Variants in GLIS3 observed in about 807,000 individuals in gnomAD.
GLIS3 encodes the protein GLIS family zinc finger 3.
Under a neutral mutation model 78.6 loss-of-function variants are expected in GLIS3, and 53 were observed. That is an observed-to-expected ratio of 0.67 (90% CI 0.54 to 0.85). The LOEUF (loss-of-function observed/expected upper bound fraction) is 0.85. GLIS3 is among the 40% of genes least tolerant of loss of function. The pLI is 0.00. For synonymous variants in GLIS3, 684 were observed against 509.9 expected (o/e 1.34, Z -4.60); for missense variants, 1,703 against 1,231.1 (o/e 1.38, Z -5.74).
intron 2 of GLIS3, among the ~76,000 whole-genome samples, chr9:4,232,382 TAAA>T (rs56725850): frequency 1.5e-4 from 15 of 101,648 alleles, no homozygotes; most frequent in Non-Finnish European, 2.4e-4. Context: ...CCTTGTCTCT[TAAA>T]AAAAAAAAAA....
chr9:4,156,794 A>C (rs950795047), intron 2 of GLIS3, among the ~76,000 whole-genome samples: 1 of 152,108 alleles, frequency 6.6e-6, no homozygotes, highest in Non-Finnish European at 1.5e-5. Flanking sequence ...ACCCTTAAGG[A>C]ACAAAAGGGT....
chr9:4,298,659 C>G (rs1587361056), intron 1 of GLIS3, among the ~76,000 whole-genome samples: 1 of 152,172 alleles, frequency 6.6e-6, no homozygotes, highest in African/African-American at 2.4e-5. Flanking sequence ...CCAAACAGTG[C>G]TGACATTTTG....
intron 4 of GLIS3, chr9:4,054,256 G>A (rs569777786): frequency 9.8e-6 from 8 of 812,986 alleles, no homozygotes; most frequent in East Asian, 1.2e-4. Flanking sequence ...CATCCTTCAC[G>A]GTCACTGCTC....
intron 2 of GLIS3, among the ~76,000 whole-genome samples, chr9:4,268,448 T>C (rs1448384870): frequency 6.6e-6 from 1 of 152,234 alleles, no homozygotes; most frequent in African/African-American, 2.4e-5. Flanking sequence ...CTTTGCATTA[T>C]TACTCTGGGA....
chr9:4,434,011 G>C, the GLIS3 span, among the ~76,000 whole-genome samples: 11 of 151,344 alleles, frequency 7.3e-5, no homozygotes, highest in Non-Finnish European at 1.3e-4. Context: ...CAGGAGAATG[G>C]AGTGAACCCA....
intron 3 of GLIS3, among the ~76,000 whole-genome samples, chr9:4,120,012 G>A (rs1203528419): frequency 1.3e-5 from 2 of 152,130 alleles, no homozygotes; most frequent in East Asian, 3.8e-4. Flanking sequence ...GAAGAACCTG[G>A]CTTATTATAT....
chr9:4,076,442 A>C (rs7019763), intron 4 of GLIS3, among the ~76,000 whole-genome samples: 7,801 of 152,228 alleles, frequency 0.051, 532 homozygotes, highest in East Asian at 0.23. Flanking sequence ...TCCCATACCT[A>C]AAGTTTTGTT....
Position 4,348,025 on chromosome 9 carries a change from G to A in GLIS3, n.161+207C>T, listed in dbSNP as rs545999190. 5.3e-5 allele frequency among the ~76,000 whole-genome samples: 8 copies of A among 152,232 alleles called. No individual in the cohort carries two copies. The South Asian group carries it at 1.0e-3, about 20-fold the overall frequency. On this transcript the variant is annotated intron_variant and non_coding_transcript_variant, in intron 1 of 4. Transcript: ENST00000471664. Reference sequence around the variant, plus strand: ...GATATGCCAAAAACCAATTTAAAATGTTCATAAAACTTTTAACTTATGATT... The same window carrying A: ...GATATGCCAAAAACCAATTTAAAATATTCATAAAACTTTTAACTTATGATT...
At chr9:4,437,713 T>C in the GLIS3 span, among the ~76,000 whole-genome samples, 1 of 152,142 alleles carries the variant, frequency 6.6e-6, no homozygotes, top group East Asian at 1.9e-4. Flanking sequence ...CTTCTCCCTC[T>C]GCCACCTCTG....
intron 2 of GLIS3, among the ~76,000 whole-genome samples, chr9:4,259,626 T>C (rs2129992415): frequency 6.6e-6 from 1 of 152,314 alleles, no homozygotes; most frequent in East Asian, 1.9e-4. Flanking sequence ...GCTTTCAGTT[T>C]TTGCTTGCAA....
At chr9:3,979,761 C>T (rs899311052) in intron 4 of GLIS3, among the ~76,000 whole-genome samples, 1 of 152,104 alleles carries the variant, frequency 6.6e-6, no homozygotes, top group Non-Finnish European at 1.5e-5. Context: ...TACTTATGTG[C>T]CATTCATTGA....
At chr9:3,860,715 C>G (rs535509693) in intron 8 of GLIS3, among the ~76,000 whole-genome samples, 1 of 152,304 alleles carries the variant, frequency 6.6e-6, no homozygotes, top group African/African-American at 2.4e-5. Flanking sequence ...AAATTCCCCA[C>G]CTTTTCCCAG....
At chr9:4,143,050 A>G (rs1439198561) in intron 2 of GLIS3, among the ~76,000 whole-genome samples, 1 of 152,086 alleles carries the variant, frequency 6.6e-6, no homozygotes, top group African/African-American at 2.4e-5. Context: ...AATATCCAGA[A>G]AAAAAGAATA....
intron 9 of GLIS3, among the ~76,000 whole-genome samples, chr9:3,839,699 G>T (rs1818599529): frequency 6.6e-6 from 1 of 152,082 alleles, no homozygotes; most frequent in Non-Finnish European, 1.5e-5. Context: ...GTTCATGTCA[G>T]ATTACTGGGG....
intron 7 of GLIS3, among the ~76,000 whole-genome samples, chr9:3,897,196 A>G (rs1822914535): frequency 6.6e-6 from 1 of 152,160 alleles, no homozygotes; most frequent in Non-Finnish European, 1.5e-5. Context: ...CTAGCCCATC[A>G]CTAGAAACCA....
At chr9:4,082,502 A>G (rs987091458) in intron 4 of GLIS3, among the ~76,000 whole-genome samples, 3 of 152,200 alleles carry the variant, frequency 2.0e-5, no homozygotes, top group South Asian at 2.1e-4. Context: ...GAGAAGAAAA[A>G]CAACCTATCT....
chr9:4,102,097 G>A (rs944122312), intron 4 of GLIS3, among the ~76,000 whole-genome samples: 6 of 152,078 alleles, frequency 3.9e-5, no homozygotes, highest in African/African-American at 1.4e-4. Context: ...TTCTGCCCCA[G>A]GGTTTCTCCA....
chr9:4,287,234 C>T (rs16921039), intron 1 of GLIS3, among the ~76,000 whole-genome samples: 10,349 of 152,154 alleles, frequency 0.068, 761 homozygotes, highest in African/African-American at 0.19. Context: ...CTGTGCAAAA[C>T]GCCTTACAGG....
intron 2 of GLIS3, among the ~76,000 whole-genome samples, chr9:4,232,445 C>G (rs951089655): frequency 3.5e-4 from 53 of 151,154 alleles, no homozygotes; most frequent in African/African-American, 1.3e-3. Flanking sequence ...AAGAAGACAC[C>G]TACCTTTAGC....
Sources: allele counts gnomAD v4.1 joint callset (sites outside exome capture counted in the v4.1 genomes callset), GRCh38; gene constraint gnomAD v4.1.1; transcripts MANE v1.5; gene names NCBI Gene and HGNC (gene_info 2026-07-23, HGNC 2026-07-21).